NKAIN2: variants seen among roughly 807,000 people sequenced by gnomAD.
NKAIN2 encodes the protein sodium/potassium-transporting ATPase subunit beta-1-interacting protein 2.
NKAIN2 carries 14 observed loss-of-function variants against 32.6 expected under a neutral mutation model. That is an observed-to-expected ratio of 0.43 (90% CI 0.28 to 0.67). The LOEUF (loss-of-function observed/expected upper bound fraction) is 0.67, where lower values mean the gene tolerates loss of function less well. Ranked by LOEUF, NKAIN2 falls within the 30% of genes least tolerant of loss-of-function variation. The probability of loss-of-function intolerance (pLI) is 0.17; values close to 1 mark genes in which losing one functional copy is unlikely to be tolerated. For synonymous variants in NKAIN2, 80 were observed against 87.2 expected (o/e 0.92, Z 0.46); for missense variants, 198 against 258.3 (o/e 0.77, Z 1.60).
chr6:124,378,628 G>C (rs1800091975), intron 3 of NKAIN2, among the ~76,000 whole-genome samples: 1 of 152,148 alleles, frequency 6.6e-6, no homozygotes, highest in South Asian at 2.1e-4. Context: ...CATTCCTGCA[G>C]CACCCAAGCA....
intron 1 of NKAIN2, among the ~76,000 whole-genome samples, chr6:123,934,300 C>A (rs1407509195): frequency 6.6e-6 from 1 of 152,094 alleles, no homozygotes; most frequent in African/African-American, 2.4e-5. Flanking sequence ...TTTTGGTCCA[C>A]CCTGTGATGC....
chr6:123,812,045 C>T (rs1773498094), intron 1 of NKAIN2, among the ~76,000 whole-genome samples: 2 of 152,056 alleles, frequency 1.3e-5, no homozygotes, highest in African/African-American at 2.4e-5. Flanking sequence ...CTTATGCCCC[C>T]CACCGCCCCC....
At chr6:124,469,509 G>A (rs1319221845) in intron 3 of NKAIN2, among the ~76,000 whole-genome samples, 2 of 152,264 alleles carry the variant, frequency 1.3e-5, no homozygotes, top group African/African-American at 4.8e-5. Flanking sequence ...TTTTTATTCA[G>A]TGTTATCCTG....
At chr6:124,260,411 G>T (rs565145293) in intron 1 of NKAIN2, among the ~76,000 whole-genome samples, 19 of 152,302 alleles carry the variant, frequency 1.2e-4, no homozygotes, top group African/African-American at 4.1e-4. Context: ...GAGTGACCAG[G>T]ATAACTTTTG....
chr6:124,060,201 G>T (rs558828170), intron 1 of NKAIN2, among the ~76,000 whole-genome samples: 4 of 152,240 alleles, frequency 2.6e-5, no homozygotes, highest in Admixed American at 2.0e-4. Flanking sequence ...ATCACATTTG[G>T]CTTTCAGAGA....
chr6:124,515,698 T>G (rs1778881821), intron 3 of NKAIN2, among the ~76,000 whole-genome samples: 1 of 4,182 alleles, frequency 2.4e-4, no homozygotes, highest in African/African-American at 3.0e-4. Flanking sequence ...CCTACTTCAT[T>G]TTTCTTCGCT....
At position 124,591,779 on chromosome 6, in the gene NKAIN2, C is replaced by A. The variant is rs758351023; in HGVS notation, c.274-66407C>A. Among the ~76,000 whole-genome samples, 9 of 151,890 alleles carry A rather than the reference C, an allele frequency of 5.9e-5. No homozygotes were observed. In the South Asian group the frequency reaches 1.9e-3, roughly 32 times the overall value. On this transcript the variant is annotated intron_variant, in intron 3 of 6. Coordinates refer to ENST00000368417, the MANE Select transcript of NKAIN2 (RefSeq NM_001040214.3). Reference sequence around the variant, plus strand: ...TCTGTGAATAATATACTCTGCCAAGCTTTGAGATTTAAAAAAAGGAAACGT... The same window carrying A: ...TCTGTGAATAATATACTCTGCCAAGATTTGAGATTTAAAAAAAGGAAACGT...
intron 1 of NKAIN2, among the ~76,000 whole-genome samples, chr6:123,996,277 GC>G (rs1779618721): frequency 6.8e-6 from 1 of 146,524 alleles, no homozygotes; most frequent in Non-Finnish European, 1.5e-5. Flanking sequence ...AAATAGTAAA[GC>G]TTTTAAAAGA....
At chr6:124,186,828 A>G (rs1190888558) in intron 1 of NKAIN2, among the ~76,000 whole-genome samples, 2 of 152,202 alleles carry the variant, frequency 1.3e-5, no homozygotes, top group Admixed American at 1.3e-4. Flanking sequence ...TAAAATATAT[A>G]AGCATTAGAG....
At position 123,930,403 on chromosome 6, in the gene NKAIN2, T is replaced by C. The variant is rs28731138; in HGVS notation, c.54+126149T>C. On this transcript the variant is annotated intron_variant, in intron 1 of 6. Coordinates refer to ENST00000368417, the MANE Select transcript of NKAIN2 (RefSeq NM_001040214.3). ...ATAGAACTAACAGTAGCATTGGTGATAGAACATATGATAATCTTGCCTTTC... is the reference window on the plus strand; with the variant it reads ...ATAGAACTAACAGTAGCATTGGTGACAGAACATATGATAATCTTGCCTTTC... 5.0e-3 allele frequency among the ~76,000 whole-genome samples: 758 copies of C among 152,244 alleles called. 9 individuals are homozygous for C. Among genetic ancestry groups the C allele is most frequent in the African/African-American group, 0.016 (649 of 41,566 alleles).
chr6:124,204,902 ATAATAT>A (rs915101149), intron 1 of NKAIN2, among the ~76,000 whole-genome samples: 18 of 151,682 alleles, frequency 1.2e-4, no homozygotes, highest in Non-Finnish European at 2.7e-4. Flanking sequence ...ACTTTAGGAA[ATAATAT>A]TAAAGAGATT....
intron 3 of NKAIN2, among the ~76,000 whole-genome samples, chr6:124,547,420 G>A (rs1470993618): frequency 6.6e-6 from 1 of 152,078 alleles, no homozygotes; most frequent in Non-Finnish European, 1.5e-5. Flanking sequence ...TCTAAATTAT[G>A]TTTTACTGTA....
chr6:124,004,336 G>A (rs1779991085), intron 1 of NKAIN2, among the ~76,000 whole-genome samples: 1 of 151,782 alleles, frequency 6.6e-6, no homozygotes, highest in Non-Finnish European at 1.5e-5. Flanking sequence ...AATGCAGCCT[G>A]AATCATTCAA....
intron 3 of NKAIN2, among the ~76,000 whole-genome samples, chr6:124,409,936 C>T (rs370250526): frequency 8.5e-5 from 13 of 152,064 alleles, no homozygotes; most frequent in South Asian, 2.1e-4. Flanking sequence ...GTGTATGTGT[C>T]GAGGAATTTA....
intron 1 of NKAIN2, among the ~76,000 whole-genome samples, chr6:124,030,698 ATTACATAGGACAC>A: frequency 6.6e-6 from 1 of 152,312 alleles, no homozygotes; most frequent in South Asian, 2.1e-4. Context: ...TGACTTCACA[ATTACATAGGACAC>A]TCCTGGAAAG....
chr6:124,484,906 T>C (rs776840956), intron 3 of NKAIN2, among the ~76,000 whole-genome samples: 9 of 152,140 alleles, frequency 5.9e-5, no homozygotes, highest in Non-Finnish European at 1.3e-4. Flanking sequence ...GTAGCTTCTG[T>C]TGTTTTCAGC....
chr6:124,763,105 T>G (rs776849224), intron 4 of NKAIN2, among the ~76,000 whole-genome samples: 3 of 152,088 alleles, frequency 2.0e-5, no homozygotes, highest in Non-Finnish European at 2.9e-5. Flanking sequence ...AAGTTGAACT[T>G]ATAGAAGCAG....
intron 5 of NKAIN2, among the ~76,000 whole-genome samples, chr6:124,817,977 T>G (rs529618719): frequency 2.0e-5 from 3 of 147,262 alleles, no homozygotes; most frequent in Admixed American, 1.3e-4. Flanking sequence ...CATAGATACA[T>G]GCACTTGAGT....
chr6:124,661,384 A>G (rs551749270), intron 4 of NKAIN2, among the ~76,000 whole-genome samples: 2 of 152,112 alleles, frequency 1.3e-5, no homozygotes, highest in South Asian at 2.1e-4. Context: ...ATTAACTCCA[A>G]ATCTCTCCAG....
Sources: gnomAD v4.1 joint callset for allele counts (sites outside exome capture counted in the v4.1 genomes callset) on GRCh38, gnomAD v4.1.1 for gene constraint, MANE v1.5 for transcripts, NCBI Gene and HGNC (gene_info 2026-07-23, HGNC 2026-07-21) for gene names.